Variants in SHISA9 observed in about 807,000 individuals in gnomAD.
SHISA9 encodes shisa family member 9, also known as protein shisa-9.
In SHISA9, 13 loss-of-function variants were observed where a neutral mutation model predicts 38.0. The ratio of observed to expected loss-of-function variants is 0.34; its 90% CI spans 0.22 to 0.54. The LOEUF (loss-of-function observed/expected upper bound fraction) is 0.54, where lower values mean the gene tolerates loss of function less well. Ranked by LOEUF, SHISA9 falls within the 20% of genes least tolerant of loss-of-function variation. The pLI is 0.91. For missense variants in SHISA9, 538 were observed against 575.8 expected (o/e 0.93, Z 0.67); for synonymous variants, 275 against 242.0 (o/e 1.14, Z -1.27).
At chr16:13,521,654 G>C in the SHISA9 span, among the ~76,000 whole-genome samples, 5 of 152,204 alleles carry the variant, frequency 3.3e-5, no homozygotes, top group Non-Finnish European at 7.3e-5. Flanking sequence ...GCTTTTGAAT[G>C]TGACAGATAA....
the SHISA9 span, among the ~76,000 whole-genome samples, chr16:13,446,009 C>T: frequency 6.6e-6 from 1 of 152,046 alleles, no homozygotes; most frequent in Non-Finnish European, 1.5e-5. Flanking sequence ...GTGCTGCGAT[C>T]TCAGCTCACC....
At chr16:13,424,855 A>G in the SHISA9 span, among the ~76,000 whole-genome samples, 1 of 152,232 alleles carries the variant, frequency 6.6e-6, no homozygotes, top group East Asian at 1.9e-4. Context: ...GCTTTGGCCT[A>G]TTCTCCCAGA....
At chr16:13,251,015 C>T in the SHISA9 span, among the ~76,000 whole-genome samples, 1,840 of 152,180 alleles carry the variant, frequency 0.012, 30 homozygotes, top group African/African-American at 0.034. Context: ...TCTATGTGAC[C>T]CTTACCTAGT....
the SHISA9 span, among the ~76,000 whole-genome samples, chr16:13,303,780 G>A: frequency 6.6e-6 from 1 of 152,064 alleles, no homozygotes; most frequent in East Asian, 1.9e-4. Context: ...AAAGGAATGG[G>A]AATAATTACT....
At chr16:13,439,319 G>A in the SHISA9 span, among the ~76,000 whole-genome samples, 1 of 152,096 alleles carries the variant, frequency 6.6e-6, no homozygotes, top group African/African-American at 2.4e-5. Context: ...TGGTGGCTCT[G>A]TTGTATACTT....
chr16:12,918,030 A>G (rs9929352), intron 2 of SHISA9, among the ~76,000 whole-genome samples: 38,894 of 151,958 alleles, frequency 0.26, 5,341 homozygotes, highest in Non-Finnish European at 0.31. Context: ...CAATGTTTGC[A>G]TGGTTTGAAA....
At chr16:13,164,287 T>G (rs927108588) in intron 2 of SHISA9, among the ~76,000 whole-genome samples, 2 of 152,096 alleles carry the variant, frequency 1.3e-5, no homozygotes, top group Non-Finnish European at 2.9e-5. Flanking sequence ...ATGAATTACA[T>G]GGATTGAAAT....
chr16:13,413,172 C>T, the SHISA9 span, among the ~76,000 whole-genome samples: 23 of 152,134 alleles, frequency 1.5e-4, no homozygotes, highest in African/African-American at 5.3e-4. Flanking sequence ...AAAAAGAGAC[C>T]CTCATAAAAC....
chr16:13,003,859 AAATAAT>A (rs759908367), intron 2 of SHISA9, among the ~76,000 whole-genome samples: 3,190 of 140,680 alleles, frequency 0.023, 61 homozygotes, highest in Non-Finnish European at 0.036. Context: ...CTCCGTCTCA[AAATAAT>A]AATAATAATA....
At chr16:12,992,695 CAG>C (rs1404719392) in intron 2 of SHISA9, among the ~76,000 whole-genome samples, 5 of 152,188 alleles carry the variant, frequency 3.3e-5, no homozygotes, top group Admixed American at 1.3e-4. Flanking sequence ...AATTTTATTA[CAG>C]AGTTTTCTTC....
At chr16:13,418,703 G>T in the SHISA9 span, among the ~76,000 whole-genome samples, 1 of 152,204 alleles carries the variant, frequency 6.6e-6, no homozygotes, top group Non-Finnish European at 1.5e-5. Context: ...GAGATGGCAT[G>T]ATTTTATTCA....
intron 2 of SHISA9, among the ~76,000 whole-genome samples, chr16:13,001,980 T>G (rs1466428067): frequency 6.6e-6 from 1 of 152,202 alleles, no homozygotes; most frequent in Non-Finnish European, 1.5e-5. Context: ...TTATATATGC[T>G]TAAAAATTTC....
chr16:13,517,577 C>T, the SHISA9 span, among the ~76,000 whole-genome samples: 1 of 152,116 alleles, frequency 6.6e-6, no homozygotes, highest in Non-Finnish European at 1.5e-5. Context: ...TTAAACCATC[C>T]CTGAAGGCAA....
At chr16:13,467,115 T>C in the SHISA9 span, among the ~76,000 whole-genome samples, 1 of 152,158 alleles carries the variant, frequency 6.6e-6, no homozygotes, top group African/African-American at 2.4e-5. Context: ...CTTGACTGGA[T>C]TGAAGAGTGC....
chr16:13,042,339 C>T (rs1355047874), intron 2 of SHISA9, among the ~76,000 whole-genome samples: 1 of 152,156 alleles, frequency 6.6e-6, no homozygotes, highest in East Asian at 1.9e-4. Flanking sequence ...GAATTTGTAC[C>T]TTCAGGAGCT....
At chr16:13,529,182 G>A in the SHISA9 span, among the ~76,000 whole-genome samples, 1 of 152,148 alleles carries the variant, frequency 6.6e-6, no homozygotes, top group African/African-American at 2.4e-5. Flanking sequence ...TGATAGAATG[G>A]ATTATTTGTG....
the SHISA9 span, among the ~76,000 whole-genome samples, chr16:13,513,327 G>A: frequency 1.3e-3 from 192 of 152,264 alleles, no homozygotes; most frequent in African/African-American, 4.4e-3. Context: ...TTATTAAAAA[G>A]TCAAGAAACA....
the SHISA9 span, among the ~76,000 whole-genome samples, chr16:13,413,600 A>T: frequency 9.9e-5 from 15 of 152,024 alleles, no homozygotes; most frequent in Non-Finnish European, 1.9e-4. Context: ...TACTAAAAAT[A>T]CAAAAATTAG....
At chr16:13,550,245 G>A in the SHISA9 span, among the ~76,000 whole-genome samples, 2 of 152,142 alleles carry the variant, frequency 1.3e-5, no homozygotes, top group South Asian at 2.1e-4. Context: ...TTTAAGCTCC[G>A]TGAAGACCTT....
Sources: allele counts gnomAD v4.1 joint callset (sites outside exome capture counted in the v4.1 genomes callset), GRCh38; gene constraint gnomAD v4.1.1; transcripts MANE v1.5; gene names NCBI Gene and HGNC (gene_info 2026-07-23, HGNC 2026-07-21).